The following SEC14L1 variants were observed in gnomAD, a reference collection of about 807,000 sequenced individuals.
SEC14L1 encodes SEC14-like protein 1.
A neutral mutation model predicts 85.3 loss-of-function variants in SEC14L1; 48 were observed. The ratio of observed to expected loss-of-function variants is 0.56; its 90% CI spans 0.45 to 0.72. The LOEUF (loss-of-function observed/expected upper bound fraction) is 0.72. Among genes scored for constraint, SEC14L1 ranks in the 30% least tolerant of loss-of-function variants. SEC14L1 has a pLI of 0.00. For missense variants in SEC14L1, 682 were observed against 921.4 expected, an observed-to-expected ratio of 0.74 and a Z score of 3.36; for synonymous variants, 391 against 355.5, an observed-to-expected ratio of 1.10 and a Z score of -1.12.
chr17:77,215,117 C>CT lies in SEC14L1; in HGVS notation c.*1095dup, dbSNP rs1367634510. 3.0e-6 allele frequency: 3 copies of CT among 985,048 alleles called. No individual in the cohort carries two copies. The Admixed American group carries it at 1.9e-4, about 61-fold the overall frequency. 61.0% of individuals were successfully genotyped at this position (985,048 alleles called of 1,614,324 possible). On this transcript the variant is annotated 3_prime_UTR_variant, in exon 17 of 17. Transcript: ENST00000436233. The stretch of plus-strand genomic sequence containing the variant: ...GCATGTGTGCATGACGGTGGGGGTG[C>CT]TGGGGGGACGGGGTGAGTGGAAACT...
chr17:77,140,640 C>T (rs1022005541), upstream of SEC14L1: 8 of 152,484 alleles, frequency 5.2e-5, no homozygotes, highest in African/African-American at 1.9e-4. Flanking sequence ...TTCACTCCGC[C>T]TCCGCCCGCT....
At chr17:77,157,420 C>T (rs1161372056) in intron 3 of SEC14L1, among the ~76,000 whole-genome samples, 1 of 152,154 alleles carries the variant, frequency 6.6e-6, no homozygotes, top group Non-Finnish European at 1.5e-5. Flanking sequence ...CACAAGGCTT[C>T]CAGGTGATTC....
rs373440340 is a variant in SEC14L1 at position 77,209,326 on chromosome 17, G to A, written c.1477-16G>A. On this transcript the variant is annotated splice_polypyrimidine_tract_variant and intron_variant, in intron 13 of 16. Coordinates refer to ENST00000436233, the MANE Select transcript of SEC14L1 (RefSeq NM_001143998.2). ...TTGTGTTTGCACAGGTTTCACTGCT[G>A]TGTTTCTTCTTCCAGTGCGAAGTGC... 1.5e-5 allele frequency: 24 copies of A among 1,613,830 alleles called. No homozygotes were observed. The highest frequency in any genetic ancestry group is 1.9e-5 in the Non-Finnish European group (22 of 1,179,846).
Position 77,148,838 on chromosome 17 carries a change from G to A in SEC14L1, c.63+5179G>A, listed in dbSNP as rs71384146. 5.6e-3 allele frequency among the ~76,000 whole-genome samples: 846 copies of A among 152,316 alleles called. 6 individuals carry two copies. Among genetic ancestry groups the A allele is most frequent in the Middle Eastern group, 0.02 (6 of 294 alleles). On this transcript the variant is annotated intron_variant, in intron 3 of 16. Transcript: ENST00000436233. Reference sequence around the variant, plus strand: ...GCTTTCCTGTTATCCGTCCTCGCACGTCTCAGCTCCTGTGCTTTTTTCGGC... The same window carrying A: ...GCTTTCCTGTTATCCGTCCTCGCACATCTCAGCTCCTGTGCTTTTTTCGGC...
chr17:77,157,338 T>C (rs1973857121), intron 3 of SEC14L1, among the ~76,000 whole-genome samples: 1 of 152,206 alleles, frequency 6.6e-6, no homozygotes, highest in Admixed American at 6.5e-5. Flanking sequence ...ATAATGTAAA[T>C]TCGAAGAGTT....
chr17:77,194,799 A>G lies in SEC14L1; in HGVS notation c.597A>G (p.Lys199=). Residue 199 remains lysine, a synonymous_variant, in exon 7 of 17, where the codon AAA becomes AAG. Coordinates refer to ENST00000436233, the MANE Select transcript of SEC14L1 (RefSeq NM_001143998.2). The part of the protein sequence containing the change: ...SSETSSSSSK[K]QAASMAVVIP... The stretch of plus-strand genomic sequence containing the variant: ...AGACATCTTCATCATCCTCCAAGAA[A>G]CAAGCAGCGTCCATGGCCGTCGTCA... 1 of 1,614,182 alleles carries G rather than the reference A, an allele frequency of 6.2e-7. No individual in the cohort carries two copies. Among genetic ancestry groups the G allele is most frequent in the Non-Finnish European group, 8.5e-7 (1 of 1,180,014 alleles).
intron 10 of SEC14L1, among the ~76,000 whole-genome samples, chr17:77,204,522 C>CTTTTT (rs745921636): frequency 2.4e-5 from 2 of 84,732 alleles, no homozygotes; most frequent in Non-Finnish European, 4.8e-5. Context: ...GCCCAGCCAG[C>CTTTTT]TTTTTTTTTT....
chr17:77,154,875 C>T (rs1194147997), intron 3 of SEC14L1, among the ~76,000 whole-genome samples: 1 of 152,090 alleles, frequency 6.6e-6, no homozygotes, highest in East Asian at 1.9e-4. Context: ...ACTTCTTTTC[C>T]TTTTAGGGGT....
chr17:77,131,462 G>A (rs1972608413), intron 3 of SEC14L1, among the ~76,000 whole-genome samples: 1 of 152,054 alleles, frequency 6.6e-6, no homozygotes, highest in Non-Finnish European at 1.5e-5. Flanking sequence ...TAGAGATGCA[G>A]TTTTACCATG....
chr17:77,206,166 A>C lies in SEC14L1; in HGVS notation c.1170-63A>C. On this transcript the variant is annotated intron_variant, in intron 11 of 16. Transcript: ENST00000436233. This position sits in a 1 kb window ranked among gnomAD's most constrained non-coding sequence, Gnocchi z 4.3. ...CTATAAATGACCAAAAAGGAAGAAAATAAGACACAGTTTGCTAAGTGTGCT... is the reference window on the plus strand; with the variant it reads ...CTATAAATGACCAAAAAGGAAGAAACTAAGACACAGTTTGCTAAGTGTGCT... 6.5e-7 allele frequency: 1 copy of C among 1,536,610 alleles called. No individual in the cohort carries two copies. Among genetic ancestry groups the C allele is most frequent in the Non-Finnish European group, 8.9e-7 (1 of 1,126,072 alleles).
intron 3 of SEC14L1, among the ~76,000 whole-genome samples, chr17:77,144,383 G>A (rs977521548): frequency 1.3e-5 from 2 of 152,130 alleles, no homozygotes; most frequent in Non-Finnish European, 2.9e-5. Context: ...CCAGAACATG[G>A]CAACCCAGGA....
chr17:77,150,052 A>G (rs972928730), intron 3 of SEC14L1, among the ~76,000 whole-genome samples: 4 of 152,208 alleles, frequency 2.6e-5, no homozygotes, highest in African/African-American at 9.6e-5. Context: ...CAGTGCTCTC[A>G]GAGTAACCAC....
intron 3 of SEC14L1, among the ~76,000 whole-genome samples, chr17:77,176,816 A>G (rs1445047512): frequency 2.0e-5 from 3 of 152,020 alleles, no homozygotes; most frequent in Non-Finnish European, 4.4e-5. Context: ...TGAACTCCCA[A>G]CCTCAGGTGA....
At chr17:77,188,381 C>T (rs1975367552) in intron 3 of SEC14L1, among the ~76,000 whole-genome samples, 1 of 149,822 alleles carries the variant, frequency 6.7e-6, no homozygotes, top group Non-Finnish European at 1.5e-5. Context: ...GTGTTATGGA[C>T]AGGGAATCAT....
intron 3 of SEC14L1, among the ~76,000 whole-genome samples, chr17:77,128,866 A>G (rs531577724): frequency 6.6e-6 from 1 of 152,274 alleles, no homozygotes; most frequent in Admixed American, 6.5e-5. Flanking sequence ...AGCCCCTTGG[A>G]GTCCATTTAG....
chr17:77,206,149 G>A lies in SEC14L1; in HGVS notation c.1170-80G>A. The A allele has an allele frequency of 7.0e-7, 1 of 1,435,852 alleles. No homozygotes were observed. The highest frequency in any genetic ancestry group is 9.6e-7 in the Non-Finnish European group (1 of 1,044,090). The allele number at this position is 1,435,852 out of a possible 1,614,324, so 88.9% of individuals were successfully genotyped here. On this transcript the variant is annotated intron_variant, in intron 11 of 16. Coordinates refer to ENST00000436233, the MANE Select transcript of SEC14L1 (RefSeq NM_001143998.2). The surrounding 1 kb of genome is among the most constrained non-coding windows in gnomAD (Gnocchi z 4.3). ...GATGTATTTGGAAATAGCTATAAATGACCAAAAAGGAAGAAAATAAGACAC... is the reference window on the plus strand; with the variant it reads ...GATGTATTTGGAAATAGCTATAAATAACCAAAAAGGAAGAAAATAAGACAC...
intron 15 of SEC14L1, among the ~76,000 whole-genome samples, chr17:77,212,491 T>C (rs902772573): frequency 1.3e-4 from 20 of 151,718 alleles, no homozygotes; most frequent in Admixed American, 1.1e-3. Flanking sequence ...ATAGGATTTT[T>C]CCCCCCCGCC....
upstream of SEC14L1, among the ~76,000 whole-genome samples, chr17:77,139,545 T>G (rs368897120): frequency 6.1e-4 from 87 of 143,066 alleles, no homozygotes; most frequent in African/African-American, 2.2e-3. Flanking sequence ...TCGACCAGGC[T>G]GGGGTGCAGT....
intron 5 of SEC14L1, among the ~76,000 whole-genome samples, chr17:77,192,675 T>C (rs1306916091): frequency 2.6e-5 from 4 of 151,802 alleles, no homozygotes; most frequent in South Asian, 2.1e-4. Context: ...TTTTTTTTTT[T>C]CTTCAGGGAT....
Sources: allele counts gnomAD v4.1 joint callset (sites outside exome capture counted in the v4.1 genomes callset), GRCh38; gene constraint gnomAD v4.1.1; non-coding constraint Gnocchi (gnomAD v3.1); transcripts MANE v1.5; gene names NCBI Gene and HGNC (gene_info 2026-07-23, HGNC 2026-07-21).